The following DSCAML1 variants were observed in gnomAD, a reference collection of about 807,000 sequenced individuals.
DSCAML1 encodes the protein DS cell adhesion molecule like 1, also known as cell adhesion molecule DSCAML1.
DSCAML1 carries 38 observed loss-of-function variants against 200.5 expected under a neutral mutation model. That is an observed-to-expected ratio of 0.19 (90% CI 0.15 to 0.25). The LOEUF is 0.25. DSCAML1 is among the 10% of genes least tolerant of loss of function. The pLI is 1.00. For synonymous variants in DSCAML1, 1,215 were observed against 1,165.0 expected, an observed-to-expected ratio of 1.04 and a Z score of -0.87; for missense variants, 2,223 against 2,858.8, an observed-to-expected ratio of 0.78 and a Z score of 5.07.
rs1724585276 is a variant in DSCAML1 at position 117,437,627 on chromosome 11, G to A, written c.4433-218C>T. Reference sequence around the variant, plus strand: ...AGAAAAGGGCAGGGCCTGGAGAGGGGCCTCAGTAGAGGAGGAAGGGAGCTG... The same window carrying A: ...AGAAAAGGGCAGGGCCTGGAGAGGGACCTCAGTAGAGGAGGAAGGGAGCTG... On this transcript the variant is annotated intron_variant, in intron 25 of 32. Coordinates refer to ENST00000651296, the MANE Select transcript of DSCAML1 (RefSeq NM_020693.4). This position sits in a 1 kb window ranked among gnomAD's most constrained non-coding sequence, Gnocchi z 5.3. 1.3e-5 allele frequency among the ~76,000 whole-genome samples: 2 copies of A among 152,102 alleles called. No individual in the cohort carries two copies. Among genetic ancestry groups the A allele is most frequent in the African/African-American group, 4.8e-5 (2 of 41,406 alleles).
At position 117,735,302 on chromosome 11, in the gene DSCAML1, T is replaced by C. The variant is rs1368338184; in HGVS notation, c.511+41489A>G. On this transcript the variant is annotated intron_variant, in intron 3 of 32. Coordinates refer to ENST00000651296, the MANE Select transcript of DSCAML1 (RefSeq NM_020693.4). The stretch of plus-strand genomic sequence containing the variant: ...ACAGAGAATCCTGGCAGCAGAGCCA[T>C]GGGGCTGGTTTACAAGGGACTTTCA... 3.9e-5 allele frequency among the ~76,000 whole-genome samples: 6 copies of C among 152,168 alleles called. No homozygotes were observed. The East Asian group carries it at 9.6e-4, about 24-fold the overall frequency.
chr11:117,593,719 T>G (rs1316910202), intron 3 of DSCAML1, among the ~76,000 whole-genome samples: 1 of 150,184 alleles, frequency 6.7e-6, no homozygotes, highest in Non-Finnish European at 1.5e-5. Flanking sequence ...TTGTTTTTTT[T>G]TTTTTTTTTT....
At chr11:117,473,577 A>G (rs2048729675) in intron 14 of DSCAML1, among the ~76,000 whole-genome samples, 1 of 152,156 alleles carries the variant, frequency 6.6e-6, no homozygotes, top group Non-Finnish European at 1.5e-5. Flanking sequence ...CCAGAAGACA[A>G]TGTCCCAGGC....
intron 3 of DSCAML1, among the ~76,000 whole-genome samples, chr11:117,649,362 C>T (rs2052583007): frequency 6.6e-6 from 1 of 152,152 alleles, no homozygotes; most frequent in South Asian, 2.1e-4. Flanking sequence ...AGCCACCATG[C>T]CCCGCCAACT....
chr11:117,560,398 T>C (rs186961739), intron 3 of DSCAML1, among the ~76,000 whole-genome samples: 1 of 152,324 alleles, frequency 6.6e-6, no homozygotes, highest in East Asian at 1.9e-4. Flanking sequence ...TGTCATATCC[T>C]CATTGTATTT....
intron 3 of DSCAML1, among the ~76,000 whole-genome samples, chr11:117,773,896 G>C (rs1044963031): frequency 6.6e-6 from 1 of 152,144 alleles, no homozygotes; most frequent in Non-Finnish European, 1.5e-5. Flanking sequence ...ACTAAAGAAA[G>C]GGGTTCTGCA....
At chr11:117,564,618 G>A (rs1277329841) in intron 3 of DSCAML1, among the ~76,000 whole-genome samples, 1 of 151,888 alleles carries the variant, frequency 6.6e-6, no homozygotes, top group Non-Finnish European at 1.5e-5. Flanking sequence ...CTCCCTCAAG[G>A]CTCTGCTCAA....
intron 11 of DSCAML1, among the ~76,000 whole-genome samples, chr11:117,493,182 C>G (rs2049220722): frequency 6.6e-6 from 1 of 152,156 alleles, no homozygotes; most frequent in Non-Finnish European, 1.5e-5. Context: ...TCAAACTCGC[C>G]AGGCCTTACT....
At chr11:117,607,651 G>A (rs1420176439) in intron 3 of DSCAML1, among the ~76,000 whole-genome samples, 1 of 152,212 alleles carries the variant, frequency 6.6e-6, no homozygotes, top group African/African-American at 2.4e-5. Context: ...GCATTAGGTG[G>A]AAGGGCCTGG....
At position 117,489,582 on chromosome 11, in the gene DSCAML1, C is replaced by G. The variant is rs1688207450; in HGVS notation, c.2360-7420G>C. 6.6e-6 allele frequency among the ~76,000 whole-genome samples: 1 copy of G among 152,150 alleles called. No individual in the cohort carries two copies. The highest frequency in any genetic ancestry group is 2.4e-5 in the African/African-American group (1 of 41,432). On this transcript the variant is annotated intron_variant, in intron 11 of 32. Coordinates refer to ENST00000651296, the MANE Select transcript of DSCAML1 (RefSeq NM_020693.4). This position sits in a 1 kb window ranked among gnomAD's most constrained non-coding sequence, Gnocchi z 4.8. The stretch of plus-strand genomic sequence containing the variant: ...ACAGCAGCTTTAGGTGGGGTAGGGT[C>G]TTCTCTCTGAGACCCTGGGGGAGTG...
At chr11:117,677,955 C>T (rs991596083) in intron 3 of DSCAML1, among the ~76,000 whole-genome samples, 3 of 152,120 alleles carry the variant, frequency 2.0e-5, no homozygotes, top group Admixed American at 6.5e-5. Flanking sequence ...GACTGCCTGC[C>T]GAAGAAAGAG....
At chr11:117,613,435 G>T (rs2051738541) in intron 3 of DSCAML1, among the ~76,000 whole-genome samples, 1 of 152,014 alleles carries the variant, frequency 6.6e-6, no homozygotes, top group Non-Finnish European at 1.5e-5. Context: ...GAATAATAGG[G>T]TGCGCTCTCC....
intron 3 of DSCAML1, among the ~76,000 whole-genome samples, chr11:117,560,107 AG>A (rs975018227): frequency 6.6e-6 from 1 of 151,794 alleles, no homozygotes; most frequent in African/African-American, 2.4e-5. Context: ...CTTGAAAGAA[AG>A]GGGGGGCCAC....
At position 117,430,727 on chromosome 11, in the gene DSCAML1, T is replaced by A. The variant is rs776290235; in HGVS notation, c.5681A>T (p.Asn1894Ile). 1 of 1,611,142 alleles carries A rather than the reference T, an allele frequency of 6.2e-7. No homozygotes were observed. Among genetic ancestry groups the A allele is most frequent in the South Asian group, 1.1e-5 (1 of 90,662 alleles). The part of the protein sequence containing the change: ...NVAVPIPHRA[N>I]KSDYCNLPLY... ...GAGGTGGTCTGAGCACTCACTCTTG[T>A]TGGCCCGGTGAGGGATGGGCACAGC... is the stretch of plus-strand genomic sequence containing the variant. Residue 1894 changes from asparagine (N) to isoleucine (I), a missense_variant, in exon 32 of 33, where the codon AAC becomes ATC. Transcript: ENST00000651296.
chr11:117,793,926 G>A (rs967534484), intron 1 of DSCAML1, among the ~76,000 whole-genome samples: 2 of 152,102 alleles, frequency 1.3e-5, no homozygotes, highest in Non-Finnish European at 2.9e-5. Flanking sequence ...TCTAGCAACC[G>A]GGGTCTCTCT....
At chr11:117,667,038 G>A (rs2052991383) in intron 3 of DSCAML1, among the ~76,000 whole-genome samples, 2 of 152,190 alleles carry the variant, frequency 1.3e-5, no homozygotes, top group South Asian at 4.1e-4. Flanking sequence ...CAGCAGCTGG[G>A]GGGTCCAAGG....
upstream of DSCAML1, chr11:117,797,342 G>A (rs1249040364): frequency 8.3e-7 from 1 of 1,206,274 alleles, no homozygotes; most frequent in Admixed American, 4.3e-5. Flanking sequence ...CCGGAGCCCA[G>A]ACGGACCCCA....
At chr11:117,746,245 A>AAAAAAAAAT (rs2054516388) in intron 3 of DSCAML1, among the ~76,000 whole-genome samples, 1 of 150,784 alleles carries the variant, frequency 6.6e-6, no homozygotes, top group African/African-American at 2.4e-5. Context: ...AAAAAAAAAA[A>AAAAAAAAAT]GTGCCTGGCA....
At chr11:117,443,604 C>CT (rs1304536246) in intron 21 of DSCAML1, among the ~76,000 whole-genome samples, 2 of 152,022 alleles carry the variant, frequency 1.3e-5, no homozygotes, top group Admixed American at 6.5e-5. Context: ...GCGACTCCCC[C>CT]TTTTTCAAGC....
Sources: gnomAD v4.1 joint callset for allele counts (sites outside exome capture counted in the v4.1 genomes callset) on GRCh38, gnomAD v4.1.1 for gene constraint, Gnocchi (gnomAD v3.1) non-coding constraint, MANE v1.5 for transcripts, NCBI Gene and HGNC (gene_info 2026-07-23, HGNC 2026-07-21) for gene names.